IPO11: variants seen among roughly 807,000 people sequenced by gnomAD.
IPO11 encodes importin 11, also known as importin-11.
A neutral mutation model predicts 143.2 loss-of-function variants in IPO11; 66 were observed. The observed-to-expected ratio is 0.46, with a 90% CI of 0.38 to 0.57. The LOEUF is 0.57. IPO11 is among the 20% of genes least tolerant of loss of function. IPO11 has a pLI of 0.00. For synonymous variants in IPO11, 385 were observed against 377.8 expected, an observed-to-expected ratio of 1.02 and a Z score of -0.22; for missense variants, 1,026 against 1,141.0, an observed-to-expected ratio of 0.90 and a Z score of 1.45.
chr5:62,589,323 G>A (rs757023345), intron 27 of IPO11, among the ~76,000 whole-genome samples: 32 of 151,992 alleles, frequency 2.1e-4, no homozygotes, highest in Non-Finnish European at 3.1e-4. Context: ...TTGACTTTTG[G>A]TGATGTTGGT....
intron 16 of IPO11, among the ~76,000 whole-genome samples, chr5:62,496,320 G>A (rs1359498390): frequency 2.6e-5 from 4 of 151,620 alleles, no homozygotes; most frequent in Admixed American, 6.6e-5. Context: ...AAGTACGTTT[G>A]CATTATGACT....
chr5:62,624,112 A>G lies in IPO11; in HGVS notation c.2764-3042A>G, dbSNP rs182418686. 5.2e-3 allele frequency among the ~76,000 whole-genome samples: 790 copies of G among 151,854 alleles called. 2 individuals are homozygous for G. The highest frequency in any genetic ancestry group is 8.7e-3 in the Non-Finnish European group (591 of 67,912). On this transcript the variant is annotated intron_variant, in intron 29 of 29. Coordinates refer to ENST00000325324, the MANE Select transcript of IPO11 (RefSeq NM_016338.5). ...TGCAATGGCATGATCTCAGCTCACC[A>G]CAACCTCCACCTCCCGGGTTCAGGC... is the stretch of plus-strand genomic sequence containing the variant.
intron 3 of IPO11, among the ~76,000 whole-genome samples, chr5:62,445,368 C>A (rs1744682258): frequency 6.6e-6 from 1 of 151,946 alleles, no homozygotes; most frequent in Non-Finnish European, 1.5e-5. Flanking sequence ...TGATAACATG[C>A]ATAAAATTAA....
rs1745978203 is a variant in IPO11 at position 62,476,879 on chromosome 5, T to C, written c.828+126T>C. The C allele has an allele frequency of 6.7e-6, 7 of 1,037,832 alleles. No homozygotes were observed. The South Asian group carries it at 1.8e-4, about 26-fold the overall frequency. The allele number at this position is 1,037,832 out of a possible 1,614,324, so 64.3% of individuals were successfully genotyped here. On this transcript the variant is annotated intron_variant, in intron 9 of 29. Coordinates refer to ENST00000325324, the MANE Select transcript of IPO11 (RefSeq NM_016338.5). The stretch of plus-strand genomic sequence containing the variant: ...AGGAAACCTATGTTCTGACTCCTTA[T>C]AGGAAAGCTAAAAATTGCTTTTATA...
intron 13 of IPO11, 41 bp from the exon 14 acceptor site, chr5:62,489,261 A>G (rs759050350): frequency 1.4e-5 from 17 of 1,206,230 alleles, no homozygotes; most frequent in African/African-American, 3.1e-5. Context: ...AACTAGTTTT[A>G]TTTGCTTTTA....
chr5:62,450,218 A>G (rs1192739487), intron 4 of IPO11, among the ~76,000 whole-genome samples: 3 of 152,172 alleles, frequency 2.0e-5, no homozygotes, highest in Non-Finnish European at 4.4e-5. Flanking sequence ...ATTTTAAGGT[A>G]TATTTGTATG....
chr5:62,440,517 A>G (rs1032121368), intron 2 of IPO11, among the ~76,000 whole-genome samples: 2 of 151,526 alleles, frequency 1.3e-5, no homozygotes, highest in Non-Finnish European at 2.9e-5. Context: ...CACCATGCCT[A>G]GCTAATTTTT....
chr5:62,504,829 A>G (rs1392311318), intron 17 of IPO11, 29 bp from the exon 18 acceptor site: 8 of 1,469,168 alleles, frequency 5.4e-6, no homozygotes, highest in Non-Finnish European at 6.5e-6. Flanking sequence ...AAACTTATAT[A>G]TTCTCAGTAT....
At chr5:62,529,129 A>C (rs2112310471) in intron 21 of IPO11, among the ~76,000 whole-genome samples, 1 of 152,226 alleles carries the variant, frequency 6.6e-6, no homozygotes, top group South Asian at 2.1e-4. Flanking sequence ...TCAGCTCATC[A>C]ACTTTTAGCC....
At chr5:62,466,697 C>T (rs958198866) in intron 5 of IPO11, among the ~76,000 whole-genome samples, 1 of 152,146 alleles carries the variant, frequency 6.6e-6, no homozygotes, top group Non-Finnish European at 1.5e-5. Flanking sequence ...AAGCCATATG[C>T]GTAGAACTGG....
chr5:62,518,835 G>A (rs1184911291), intron 20 of IPO11, among the ~76,000 whole-genome samples: 2 of 152,072 alleles, frequency 1.3e-5, no homozygotes, highest in African/African-American at 2.4e-5. Flanking sequence ...GTAGGTATTC[G>A]TTCATACGCT....
At chr5:62,550,504 A>T in intron 25 of IPO11, 42 bp downstream of exon 25, 2 of 1,312,758 alleles carry the variant, frequency 1.5e-6, no homozygotes, top group Non-Finnish European at 2.2e-6. Flanking sequence ...GTTAGACTAT[A>T]GGATTCTAGT....
chr5:62,573,501 T>G (rs1580339473), intron 27 of IPO11, among the ~76,000 whole-genome samples: 1 of 152,234 alleles, frequency 6.6e-6, no homozygotes, highest in African/African-American at 2.4e-5. Flanking sequence ...GTAGCTATAT[T>G]ATACTACATA....
At chr5:62,625,434 C>T (rs1337786867) in intron 29 of IPO11, among the ~76,000 whole-genome samples, 1 of 152,156 alleles carries the variant, frequency 6.6e-6, no homozygotes, top group Admixed American at 6.5e-5. Flanking sequence ...GATGTGTAGA[C>T]TTTAGAAGTG....
chr5:62,459,316 A>G (rs1256893795), intron 5 of IPO11, among the ~76,000 whole-genome samples: 1 of 152,174 alleles, frequency 6.6e-6, no homozygotes, highest in Non-Finnish European at 1.5e-5. Flanking sequence ...GCATGTAAGT[A>G]ACAAATGCTA....
chr5:62,508,170 G>A (rs971823681), intron 19 of IPO11, among the ~76,000 whole-genome samples: 28 of 151,884 alleles, frequency 1.8e-4, no homozygotes, highest in African/African-American at 3.1e-4. Flanking sequence ...TCTCCCCCCC[G>A]GGCTGGAGTG....
Position 62,628,392 on chromosome 5 carries a change from T to A in IPO11, c.*1074T>A, listed in dbSNP as rs1252459986. The A allele has an allele frequency of 6.6e-6, 1 of 152,636 alleles. No homozygotes were observed. The highest frequency in any genetic ancestry group is 1.5e-5 in the Non-Finnish European group (1 of 68,028). 9.5% of individuals were successfully genotyped at this position (152,636 alleles called of 1,614,324 possible). A position where few individuals can be genotyped will look rare whatever the true frequency, so the allele number is the denominator to read the frequency against. ...TTATTGTAAGGAAACTTTAAAGCAT[T>A]TTTTAGGAAATACTCAAAAGCAAGG... On this transcript the variant is annotated 3_prime_UTR_variant, in exon 30 of 30. Transcript: ENST00000325324.
chr5:62,503,382 A>T (rs1055494419), intron 16 of IPO11, among the ~76,000 whole-genome samples: 4 of 145,210 alleles, frequency 2.8e-5, no homozygotes, highest in South Asian at 4.2e-4. Context: ...CTAATATATT[A>T]ATAGTATCTA....
intron 6 of IPO11, 23 bp downstream of exon 6, chr5:62,467,286 C>A: frequency 6.3e-7 from 1 of 1,598,244 alleles, no homozygotes; most frequent in South Asian, 1.1e-5. Context: ...TTGATATGTT[C>A]ATTTTTGAAA....
Sources: allele counts gnomAD v4.1 joint callset (sites outside exome capture counted in the v4.1 genomes callset), GRCh38; gene constraint gnomAD v4.1.1; transcripts MANE v1.5; gene names NCBI Gene and HGNC (gene_info 2026-07-23, HGNC 2026-07-21).